STAG2: variants seen among roughly 807,000 people sequenced by gnomAD.
STAG2 encodes STAG2 cohesin complex component, also known as cohesin subunit SA-2.
A neutral mutation model predicts 108.1 loss-of-function variants in STAG2; 14 were observed. That is an observed-to-expected ratio of 0.13 (90% CI 0.09 to 0.20). The LOEUF (loss-of-function observed/expected upper bound fraction) is 0.20. Ranked by LOEUF, STAG2 falls within the 10% of genes least tolerant of loss-of-function variation. STAG2 has a pLI of 1.00. For synonymous variants in STAG2, 307 were observed against 302.7 expected, an observed-to-expected ratio of 1.01 and a Z score of -0.15; for missense variants, 440 against 940.9, an observed-to-expected ratio of 0.47 and a Z score of 6.96.
chrX:124,063,614 T>C (rs750344276), intron 19 of STAG2, among the ~76,000 whole-genome samples: 1 of 112,093 alleles, frequency 8.9e-6, no homozygotes, highest in South Asian at 3.7e-4. Flanking sequence ...TAGTATATGT[T>C]AGCATTCTCA....
intron 32 of STAG2, 129 bp from the exon 33 acceptor site, chrX:124,093,889 A>G (rs1269391377): frequency 1.4e-6 from 1 of 712,120 alleles, no homozygotes; most frequent in Non-Finnish European, 2.1e-6. Context: ...TCAATGCCTA[A>G]TCATTCTCCC....
intron 2 of STAG2, among the ~76,000 whole-genome samples, chrX:124,022,232 A>C (rs906124255): frequency 1.8e-5 from 2 of 110,445 alleles, no homozygotes; most frequent in Admixed American, 1.9e-4. Flanking sequence ...TTAGCTGGTC[A>C]TGGTGGCCCG....
chrX:124,056,467 C>G (rs1423851449), intron 14 of STAG2, among the ~76,000 whole-genome samples: 1 of 110,514 alleles, frequency 9.0e-6, no homozygotes, highest in Non-Finnish European at 1.9e-5. Flanking sequence ...GGCGCAGTGG[C>G]TCATGCCTGT....
At chrX:124,054,987 G>A (rs1603047947) in intron 13 of STAG2, among the ~76,000 whole-genome samples, 3 of 110,256 alleles carry the variant, frequency 2.7e-5, no homozygotes, top group South Asian at 7.8e-4. Flanking sequence ...GCCTAGTCTC[G>A]AACACCTGGG....
chrX:123,960,718 CCT>C (rs1410302595), upstream of STAG2: 1 of 106,875 alleles, frequency 9.4e-6, no homozygotes, highest in African/African-American at 3.5e-5. Flanking sequence ...AGCTTCCGTC[CCT>C]GAGTAGAATT....
At chrX:124,094,438 C>A (rs1018207182) in intron 33 of STAG2, among the ~76,000 whole-genome samples, 3 of 111,038 alleles carry the variant, frequency 2.7e-5, no homozygotes, top group Non-Finnish European at 5.7e-5. Flanking sequence ...CTATGAAAAT[C>A]AATTTTTATT....
At position 123,989,749 on chromosome X, in the gene STAG2, G is replaced by A. The variant is rs776448505; in HGVS notation, c.-163+27893G>A. Among the ~76,000 whole-genome samples the A allele has an allele frequency of 3.5e-3, 384 of 108,489 alleles. 1 individual carries two copies. The highest frequency in any genetic ancestry group is 0.012 in the African/African-American group (354 of 29,780). 94.2% of individuals were successfully genotyped at this position (108,489 alleles called of 115,157 possible). On this transcript the variant is annotated intron_variant, in intron 1 of 34. Transcript: ENST00000371145. ...CTCCCGAGTAGCTGGGATTACAGGCGCCCGCCACCATGCCTGGGTAATTTT... is the reference window on the plus strand; with the variant it reads ...CTCCCGAGTAGCTGGGATTACAGGCACCCGCCACCATGCCTGGGTAATTTT...
At chrX:124,028,983 A>ATT (rs1160857580) in intron 4 of STAG2, among the ~76,000 whole-genome samples, 6 of 78,186 alleles carry the variant, frequency 7.7e-5, no homozygotes, top group African/African-American at 2.2e-4. Context: ...ATTTATTTTT[A>ATT]TTTATATATA....
intron 1 of STAG2, among the ~76,000 whole-genome samples, chrX:124,012,911 G>A (rs758669465): frequency 8.1e-5 from 9 of 111,453 alleles, no homozygotes; most frequent in Non-Finnish European, 1.7e-4. Context: ...AAATAAATGT[G>A]AAAACTTGTG....
chrX:123,963,599 TTA>T (rs1158314191), intron 1 of STAG2, among the ~76,000 whole-genome samples: 50 of 105,225 alleles, frequency 4.8e-4, no homozygotes, highest in African/African-American at 1.8e-3. Context: ...TTATGACACA[TTA>T]TGTTAAATAG....
chrX:124,028,129 A>G (rs1281525951), intron 4 of STAG2, among the ~76,000 whole-genome samples: 2 of 111,441 alleles, frequency 1.8e-5, no homozygotes, highest in African/African-American at 3.3e-5. Context: ...AAATGCTTTT[A>G]CTGGGGACAA....
chrX:124,076,656 A>T (rs1026238025), intron 26 of STAG2, among the ~76,000 whole-genome samples, 185 bp downstream of exon 26: 1 of 111,136 alleles, frequency 9.0e-6, no homozygotes, highest in Non-Finnish European at 1.9e-5. Flanking sequence ...TTTTGGGTTT[A>T]TTGTGTTCGT....
At chrX:123,983,969 C>CTTTTTTTTT (rs1569493164) in intron 1 of STAG2, among the ~76,000 whole-genome samples, 5 of 64,633 alleles carry the variant, frequency 7.7e-5, no homozygotes, top group African/African-American at 3.0e-4. Flanking sequence ...ATTTTCTTTT[C>CTTTTTTTTT]TTTTCTTTTT....
chrX:123,975,332 C>G (rs974049775), intron 1 of STAG2, among the ~76,000 whole-genome samples: 1 of 112,203 alleles, frequency 8.9e-6, no homozygotes, highest in Non-Finnish European at 1.9e-5. Flanking sequence ...AAAAGACATT[C>G]CTCAGACTTT....
At chrX:123,976,412 C>T (rs1469296299) in intron 1 of STAG2, among the ~76,000 whole-genome samples, 2 of 112,023 alleles carry the variant, frequency 1.8e-5, no homozygotes, top group Non-Finnish European at 3.8e-5. Flanking sequence ...TATCTCATAG[C>T]AAGATTAACC....
intron 4 of STAG2, among the ~76,000 whole-genome samples, chrX:124,027,014 C>T (rs746019088): frequency 1.2e-3 from 134 of 111,974 alleles, no homozygotes; most frequent in Non-Finnish European, 5.6e-4. Context: ...ATTATCCTGC[C>T]TCAGCCTCTC....
At chrX:123,983,894 G>T (rs750264455) in intron 1 of STAG2, among the ~76,000 whole-genome samples, 1 of 109,232 alleles carries the variant, frequency 9.2e-6, no homozygotes, top group East Asian at 2.8e-4. Context: ...AGAAGTTAGG[G>T]GCAAATAAAA....
chrX:123,962,181 G>C (rs1175565629), intron 1 of STAG2: 1 of 110,647 alleles, frequency 9.0e-6, no homozygotes, highest in Non-Finnish European at 1.9e-5. Flanking sequence ...TTCTCCCCTG[G>C]ATCCGGAGAT....
chrX:123,976,113 A>G (rs1221359467), intron 1 of STAG2, among the ~76,000 whole-genome samples: 1 of 111,443 alleles, frequency 9.0e-6, no homozygotes, highest in Non-Finnish European at 1.9e-5. Flanking sequence ...GTCTCTACCA[A>G]AAATTCAAAA....
Sources: gnomAD v4.1 joint callset for allele counts (sites outside exome capture counted in the v4.1 genomes callset) on GRCh38, gnomAD v4.1.1 for gene constraint, MANE v1.5 for transcripts, NCBI Gene and HGNC (gene_info 2026-07-23, HGNC 2026-07-21) for gene names.